TAS2R16: variants seen among roughly 807,000 people sequenced by gnomAD.
TAS2R16 encodes the protein taste 2 receptor member 16.
A neutral mutation model predicts 5.0 loss-of-function variants in TAS2R16; 5 were observed. The observed-to-expected ratio is 1.00, with a 90% CI of 0.52 to 2.11. The LOEUF (loss-of-function observed/expected upper bound fraction) is 2.11, where lower values mean the gene tolerates loss of function less well. Among genes scored for constraint, TAS2R16 ranks in the 30% most tolerant of loss-of-function variants. The probability of loss-of-function intolerance (pLI) is 0.01; values close to 1 mark genes in which losing one functional copy is unlikely to be tolerated. For missense variants in TAS2R16, 363 were observed against 341.3 expected (o/e 1.06, Z -0.50); for synonymous variants, 142 against 123.3 (o/e 1.15, Z -1.00).
chr7:122,995,020 C>T lies in TAS2R16; in HGVS notation c.615G>A (p.Lys205=). ...GACCAGTGCTATGATGTTGTATCTG[C>T]TTGGTCAGTGATGCCATGAGAAAGA... is the stretch of plus-strand genomic sequence containing the variant. ...STIFLMASLT[K]QIQHHSTGHC... Residue 205 remains lysine, a synonymous_variant, in exon 1 of 1, where the codon AAG becomes AAA. Coordinates refer to ENST00000249284, the MANE Select transcript of TAS2R16 (RefSeq NM_016945.3). 6.2e-7 allele frequency: 1 copy of T among 1,613,828 alleles called. No homozygotes were observed. The highest frequency in any genetic ancestry group is 1.1e-5 in the South Asian group (1 of 91,074).
At position 122,995,550 on chromosome 7, in the gene TAS2R16, C is replaced by G. The variant is rs535002842; in HGVS notation, c.85G>C (p.Val29Leu). Reference sequence around the variant, plus strand: ...AGCCATTCTCTGCCCAGCACTGCAACAATTAGGCTGCTCTGCACAATAATT... The same window carrying G: ...AGCCATTCTCTGCCCAGCACTGCAAGAATTAGGCTGCTCTGCACAATAATT... Reference protein sequence around the residue: ...LTIIVQSSLIVAVLGREWLQV... With the variant: ...LTIIVQSSLILAVLGREWLQV... The change falls in exon 1 of 1, where the codon GTT becomes CTT. Residue 29 changes from valine (V) to leucine (L), a missense_variant. Transcript: ENST00000249284. 6.2e-7 allele frequency: 1 copy of G among 1,612,060 alleles called. No homozygotes were observed. The highest frequency in any genetic ancestry group is 2.2e-5 in the East Asian group (1 of 44,820).
Position 122,994,985 on chromosome 7 carries a change from G to A in TAS2R16, c.650C>T (p.Pro217Leu). ...GGCAGTGAAGCGCGCTTTCATGCTT[G>A]GATTGCAGTGACCAGTGCTATGATG... ...IQHHSTGHCN[P>L]SMKARFTALR... The change falls in exon 1 of 1, where the codon CCA becomes CTA. Residue 217 changes from proline (P) to leucine (L), a missense_variant. Transcript: ENST00000249284. The A allele has an allele frequency of 6.2e-7, 1 of 1,613,758 alleles. No homozygotes were observed. Among genetic ancestry groups the A allele is most frequent in the Non-Finnish European group, 8.5e-7 (1 of 1,179,832 alleles).
At position 122,994,750 on chromosome 7, in the gene TAS2R16, C is replaced by A; in HGVS notation, c.*9G>T. The A allele has an allele frequency of 1.3e-6, 2 of 1,548,110 alleles. No homozygotes were observed. Among genetic ancestry groups the A allele is most frequent in the Non-Finnish European group, 1.7e-6 (2 of 1,151,990 alleles). On this transcript the variant is annotated 3_prime_UTR_variant, in exon 1 of 1. Transcript: ENST00000249284. ...GTCTTTTATCCTGTGCCTCAGGCAA[C>A]CTCTAGGCCTAGCACTTTCCCTTTA... is the stretch of plus-strand genomic sequence containing the variant.
At position 122,994,771 on chromosome 7, in the gene TAS2R16, C is replaced by T. The variant is rs750551304; in HGVS notation, c.864G>A (p.Lys288=). The T allele has an allele frequency of 3.2e-6, 5 of 1,570,282 alleles. No individual in the cohort carries two copies. The South Asian group carries it at 4.9e-5, about 15-fold the overall frequency. The part of the protein sequence containing the change: ...LSSPTLKRIL[K]GKC ...GCAACCTCTAGGCCTAGCACTTTCC[C>T]TTTAGAATCCTTTTCAACGTAGGGC... The change falls in exon 1 of 1, where the codon AAG becomes AAA. Residue 288 remains lysine (K), a synonymous_variant. Transcript: ENST00000249284.
rs1215606498 is a variant in TAS2R16, at chr7:122,995,664, A to G, written c.-30T>C. 30 of 1,514,158 alleles carry G rather than the reference A, an allele frequency of 2.0e-5. No individual in the cohort carries two copies. The highest frequency in any genetic ancestry group is 2.6e-5 in the Non-Finnish European group (29 of 1,133,544). 93.8% of individuals were successfully genotyped at this position (1,514,158 alleles called of 1,614,324 possible). A position where few individuals can be genotyped will look rare whatever the true frequency, so the allele number is the denominator to read the frequency against. On this transcript the variant is annotated 5_prime_UTR_variant, in exon 1 of 1. Coordinates refer to ENST00000249284, the MANE Select transcript of TAS2R16 (RefSeq NM_016945.3). The stretch of plus-strand genomic sequence containing the variant: ...CTACTCCAAAGTGTCTTCCTGGACA[A>G]AGACTCTGAATCTCTGTACCAATTT...
At position 122,995,170 on chromosome 7, in the gene TAS2R16, G is replaced by A. The variant is rs148513430; in HGVS notation, c.465C>T (p.Leu155=). Residue 155 remains leucine, a synonymous_variant, in exon 1 of 1, where the codon CTC becomes CTT. Coordinates refer to ENST00000249284, the MANE Select transcript of TAS2R16 (RefSeq NM_016945.3). Reference sequence around the variant, plus strand: ...TGTTTCTTGGTAGATGCTCCATGGTGAGTAACTGAATTTGAATGTAATTCC... The same window carrying A: ...TGTTTCTTGGTAGATGCTCCATGGTAAGTAACTGAATTTGAATGTAATTCC... The part of the protein sequence containing the change: ...AIGNYIQIQL[L]TMEHLPRNST... 255 of 1,613,720 alleles carry A rather than the reference G, an allele frequency of 1.6e-4. 1 individual carries two copies. The highest frequency in any genetic ancestry group is 2.0e-4 in the Non-Finnish European group (237 of 1,179,886).
chr7:122,994,838 T>A lies in TAS2R16; in HGVS notation c.797A>T (p.Tyr266Phe), dbSNP rs891429883. 6.2e-7 allele frequency: 1 copy of A among 1,612,948 alleles called. No homozygotes were observed. Among genetic ancestry groups the A allele is most frequent in the African/African-American group, 1.3e-5 (1 of 74,952 alleles). Residue 266 changes from tyrosine to phenylalanine, a missense_variant, in exon 1 of 1, where the codon TAT becomes TTT. Transcript: ENST00000249284. ...AGTGGAATGCATTAAGATGAAAGCATAGACAAAAGCTTCCCAGACCCATAA... is the reference window on the plus strand; with the variant it reads ...AGTGGAATGCATTAAGATGAAAGCAAAGACAAAAGCTTCCCAGACCCATAA... Reference protein sequence around the residue: ...CWLWVWEAFVYAFILMHSTSL... With the variant: ...CWLWVWEAFVFAFILMHSTSL...
In TAS2R16 at chr7:122,994,759, C is replaced by T. The variant is rs775440895; in HGVS notation, c.876G>A (p.Ter292=). 1 of 1,561,542 alleles carries T rather than the reference C, an allele frequency of 6.4e-7. No homozygotes were observed. ...CCTGTGCCTCAGGCAACCTCTAGGCCTAGCACTTTCCCTTTAGAATCCTTT... is the reference window on the plus strand; with the variant it reads ...CCTGTGCCTCAGGCAACCTCTAGGCTTAGCACTTTCCCTTTAGAATCCTTT... ...TLKRILKGKC[*] The change falls in exon 1 of 1, where the codon TAG becomes TAA. Residue 292 remains the stop codon, a stop_retained_variant. Transcript: ENST00000249284.
At position 122,995,571 on chromosome 7, in the gene TAS2R16, TAATTGTCAAGGACTC is replaced by T. The variant is rs1219862094; in HGVS notation, c.49_63del (p.Glu17_Ile21del). The T allele has an allele frequency of 7.5e-6, 12 of 1,603,440 alleles. No homozygotes were observed. Among genetic ancestry groups the T allele is most frequent in the Non-Finnish European group, 1.0e-5 (12 of 1,175,752 alleles). ...GCAACAATTAGGCTGCTCTGCACAA[TAATTGTCAAGGACTC>T]AAGCACATAGATGATCATGAAGAAG... On this transcript the variant is annotated inframe_deletion, in exon 1 of 1. Transcript: ENST00000249284.
chr7:122,995,672 G>C lies in TAS2R16; in HGVS notation c.-38C>G, dbSNP rs751013830. 3.3e-6 allele frequency: 5 copies of C among 1,504,706 alleles called. No individual in the cohort carries two copies. The African/African-American group carries it at 7.0e-5, about 21-fold the overall frequency. 93.2% of individuals were successfully genotyped at this position (1,504,706 alleles called of 1,614,324 possible). ...AAGTGTCTTCCTGGACAAAGACTCT[G>C]AATCTCTGTACCAATTTCCAGGTAG... On this transcript the variant is annotated 5_prime_UTR_variant, in exon 1 of 1. Transcript: ENST00000249284.
rs28371581 is a variant in TAS2R16, at chr7:122,994,917, A to G, written c.718T>C (p.Phe240Leu). The G allele has an allele frequency of 3.1e-6, 5 of 1,613,630 alleles. No individual in the cohort carries two copies. The East Asian group carries it at 1.1e-4, about 36-fold the overall frequency. ...ATAATGGTGATGAGTATGGTTAGAA[A>G]GTAAGAGGTAAACACAATAAATAAG... Reference protein sequence around the residue: ...AVLFIVFTSYFLTILITIIGT... With the variant: ...AVLFIVFTSYLLTILITIIGT... Residue 240 changes from phenylalanine (F) to leucine (L), a missense_variant, in exon 1 of 1, where the codon TTT becomes CTT. Phe to Leu is a conservative substitution (Grantham distance 22). Coordinates refer to ENST00000249284, the MANE Select transcript of TAS2R16 (RefSeq NM_016945.3).
At position 122,995,273 on chromosome 7, in the gene TAS2R16, C is replaced by A. The variant is rs934722112; in HGVS notation, c.362G>T (p.Arg121Ile). The change falls in exon 1 of 1, where the codon AGA becomes ATA. Residue 121 changes from arginine to isoleucine, a missense_variant. Physicochemically the swap from Arg to Ile is moderately conservative, Grantham distance 97 (BLOSUM62 -3). Transcript: ENST00000249284. ...TATCCAGGGAAACAACCTCAAAATT[C>A]TCCACCTCAGCCAGAGAAAGATGTG... ...THHIFLWLRW[R>I]ILRLFPWILL... 4.3e-6 allele frequency: 7 copies of A among 1,613,704 alleles called. No individual in the cohort carries two copies. The highest frequency in any genetic ancestry group is 3.3e-5 in the Admixed American group (2 of 59,952).
At position 122,995,167 on chromosome 7, in the gene TAS2R16, G is replaced by T. The variant is rs775978939; in HGVS notation, c.468C>A (p.Thr156=). ...TGCTGTTTCTTGGTAGATGCTCCAT[G>T]GTGAGTAACTGAATTTGAATGTAAT... ...IGNYIQIQLL[T]MEHLPRNSTV... The change falls in exon 1 of 1, where the codon ACC becomes ACA. Residue 156 remains threonine, a synonymous_variant. Coordinates refer to ENST00000249284, the MANE Select transcript of TAS2R16 (RefSeq NM_016945.3). 6.2e-7 allele frequency: 1 copy of T among 1,613,822 alleles called. No homozygotes were observed. Among genetic ancestry groups the T allele is most frequent in the Non-Finnish European group, 8.5e-7 (1 of 1,179,870 alleles).
At position 122,994,980 on chromosome 7, in the gene TAS2R16, T is replaced by C; in HGVS notation, c.655A>G (p.Met219Val). The change falls in exon 1 of 1, where the codon ATG becomes GTG. Residue 219 changes from methionine to valine, a missense_variant. Coordinates refer to ENST00000249284, the MANE Select transcript of TAS2R16 (RefSeq NM_016945.3). ...CTCAGGGCAGTGAAGCGCGCTTTCA[T>C]GCTTGGATTGCAGTGACCAGTGCTA... is the stretch of plus-strand genomic sequence containing the variant. ...HHSTGHCNPSMKARFTALRSL... is the reference protein window; with the variant it reads ...HHSTGHCNPSVKARFTALRSL... The C allele has an allele frequency of 6.2e-7, 1 of 1,613,714 alleles. No individual in the cohort carries two copies. The highest frequency in any genetic ancestry group is 1.3e-5 in the African/African-American group (1 of 74,916).
At position 122,994,847 on chromosome 7, in the gene TAS2R16, G is replaced by A. The variant is rs1224124274; in HGVS notation, c.788C>T (p.Ala263Val). The change falls in exon 1 of 1, where the codon GCT (alanine) becomes GTT (valine). Residue 263 changes from alanine (A) to valine (V), a missense_variant. Coordinates refer to ENST00000249284, the MANE Select transcript of TAS2R16 (RefSeq NM_016945.3). The stretch of plus-strand genomic sequence containing the variant: ...CATTAAGATGAAAGCATAGACAAAA[G>A]CTTCCCAGACCCATAACCAACATCT... The part of the protein sequence containing the change: ...DKRCWLWVWE[A>V]FVYAFILMHS... 6.2e-7 allele frequency: 1 copy of A among 1,613,308 alleles called. No individual in the cohort carries two copies. The highest frequency in any genetic ancestry group is 2.2e-5 in the East Asian group (1 of 44,844).
In TAS2R16 at chr7:122,995,064, G is replaced by C. The variant is rs748157739; in HGVS notation, c.571C>G (p.Leu191Val). The C allele has an allele frequency of 6.2e-7, 1 of 1,613,882 alleles. No homozygotes were observed. The highest frequency in any genetic ancestry group is 2.2e-5 in the East Asian group (1 of 44,838). ...HTVALVIPFI[L>V]FLASTIFLMA... ...AGAAAGATGGTGGAGGCCAGGAACAGGATGAAAGGAATAACCAATGCAACT... is the reference window on the plus strand; with the variant it reads ...AGAAAGATGGTGGAGGCCAGGAACACGATGAAAGGAATAACCAATGCAACT... Residue 191 changes from leucine (L) to valine (V), a missense_variant, in exon 1 of 1, where the codon CTG becomes GTG. Leu to Val is a conservative substitution (Grantham distance 32). Transcript: ENST00000249284.
Position 122,994,800 on chromosome 7 carries a change from T to C in TAS2R16, c.835A>G (p.Ser279Gly), listed in dbSNP as rs1327628277. 1 of 1,603,028 alleles carries C rather than the reference T, an allele frequency of 6.2e-7. No individual in the cohort carries two copies. The highest frequency in any genetic ancestry group is 8.5e-7 in the Non-Finnish European group (1 of 1,175,382). The change falls in exon 1 of 1, where the codon AGC (serine) becomes GGC (glycine). Residue 279 changes from serine (S) to glycine (G), a missense_variant. Transcript: ENST00000249284. ...AGAATCCTTTTCAACGTAGGGCTGC[T>C]CAGCATCAGTGAAGTGGAATGCATT... ...ILMHSTSLML[S>G]SPTLKRILKG...
In TAS2R16 at chr7:122,995,048, G is replaced by T; in HGVS notation, c.587C>A (p.Thr196Asn). 1 of 1,613,910 alleles carries T rather than the reference G, an allele frequency of 6.2e-7. No individual in the cohort carries two copies. Among genetic ancestry groups the T allele is most frequent in the Non-Finnish European group, 8.5e-7 (1 of 1,179,898 alleles). Residue 196 changes from threonine to asparagine, a missense_variant, in exon 1 of 1, where the codon ACC (threonine) becomes AAC (asparagine). By Grantham distance (65) the Thr-to-Asn change is moderately conservative (BLOSUM62 0). Transcript: ENST00000249284. ...VIPFILFLAS[T>N]IFLMASLTKQ... The stretch of plus-strand genomic sequence containing the variant: ...GGTCAGTGATGCCATGAGAAAGATG[G>T]TGGAGGCCAGGAACAGGATGAAAGG...
chr7:122,995,007 G>A lies in TAS2R16; in HGVS notation c.628C>T (p.His210Tyr). The change falls in exon 1 of 1, where the codon CAT (histidine) becomes TAT (tyrosine). Residue 210 changes from histidine (H) to tyrosine (Y), a missense_variant. Transcript: ENST00000249284. ...CTTGGATTGCAGTGACCAGTGCTAT[G>A]ATGTTGTATCTGCTTGGTCAGTGAT... ...MASLTKQIQH[H>Y]STGHCNPSMK... The A allele has an allele frequency of 1.2e-6, 2 of 1,613,892 alleles. No homozygotes were observed. Among genetic ancestry groups the A allele is most frequent in the Non-Finnish European group, 1.7e-6 (2 of 1,179,890 alleles).
Sources: allele counts gnomAD v4.1 joint callset, GRCh38; gene constraint gnomAD v4.1.1; transcripts MANE v1.5; gene names NCBI Gene and HGNC (gene_info 2026-07-23, HGNC 2026-07-21).